Variants in BSN observed in about 807,000 individuals in gnomAD.
The protein encoded by BSN is protein bassoon.
Under a neutral mutation model 264.8 loss-of-function variants are expected in BSN, and 57 were observed. That is an observed-to-expected ratio of 0.22 (90% CI 0.17 to 0.27). The LOEUF is 0.27. Among genes scored for constraint, BSN ranks in the 10% least tolerant of loss-of-function variants. BSN has a pLI of 1.00. For missense variants in BSN, 4,615 were observed against 5,232.5 expected, an observed-to-expected ratio of 0.88 and a Z score of 3.64; for synonymous variants, 2,059 against 2,137.3, an observed-to-expected ratio of 0.96 and a Z score of 1.01.
chr3:49,642,533 G>T lies in BSN; in HGVS notation c.899G>T (p.Gly300Val), dbSNP rs1416582688. The change falls in exon 3 of 12, where the codon GGG (glycine) becomes GTG (valine). Residue 300 changes from glycine (G) to valine (V), a missense_variant. Gly to Val is a moderately radical substitution (Grantham distance 109, BLOSUM62 -3). This residue lies in a region of BSN where 1,197 missense variants were observed against 1,348.0 expected (regional missense o/e 0.89). Coordinates refer to ENST00000296452, the MANE Select transcript of BSN (RefSeq NM_003458.4). The surrounding 1 kb of genome is among the most constrained non-coding windows in gnomAD (Gnocchi z 7.0). ...PAQAAAPPEV[G>V]RVSPQPPQPT... ...CAAGCAGCTGCCCCTCCAGAGGTGGGGAGGGTGTCTCCTCAGCCCCCTCAA... is the reference window on the plus strand; with the variant it reads ...CAAGCAGCTGCCCCTCCAGAGGTGGTGAGGGTGTCTCCTCAGCCCCCTCAA... The T allele has an allele frequency of 5.0e-6, 8 of 1,588,014 alleles. No individual in the cohort carries two copies. Among genetic ancestry groups the T allele is most frequent in the Non-Finnish European group, 6.9e-6 (8 of 1,164,842 alleles).
At chr3:49,615,663 G>A (rs1327217950) in intron 1 of BSN, among the ~76,000 whole-genome samples, 1 of 152,198 alleles carries the variant, frequency 6.6e-6, no homozygotes, top group Non-Finnish European at 1.5e-5. Flanking sequence ...TTCTGTGGCT[G>A]TGGCTGCGTT....
intron 5 of BSN, among the ~76,000 whole-genome samples, chr3:49,659,599 G>A (rs1190668383): frequency 6.6e-6 from 1 of 152,142 alleles, no homozygotes; most frequent in Non-Finnish European, 1.5e-5. Context: ...GGGGCATTCT[G>A]GGAAGGCTAG....
intron 1 of BSN, among the ~76,000 whole-genome samples, chr3:49,581,581 T>C (rs1046705991): frequency 7.9e-5 from 12 of 151,928 alleles, no homozygotes; most frequent in Non-Finnish European, 1.3e-4. Flanking sequence ...ATCCCAGCAC[T>C]TGGGGAAGCC....
intron 2 of BSN, among the ~76,000 whole-genome samples, chr3:49,629,501 A>G (rs1340440474): frequency 6.6e-6 from 1 of 152,242 alleles, no homozygotes; most frequent in Non-Finnish European, 1.5e-5. Context: ...GGGCAGGCAT[A>G]GCCTGCTTCT....
Position 49,651,075 on chromosome 3 carries a change from C to T in BSN, c.1982C>T (p.Ala661Val), listed in dbSNP as rs780553750. Residue 661 changes from alanine (A) to valine (V), a missense_variant, in exon 4 of 12, where the codon GCG becomes GTG. By Grantham distance (64) the Ala-to-Val change is moderately conservative. Coordinates refer to ENST00000296452, the MANE Select transcript of BSN (RefSeq NM_003458.4). This position sits in a 1 kb window ranked among gnomAD's most constrained non-coding sequence, Gnocchi z 5.4. ...CCAGAAGCCCCCAAGGGTGGGGAGGCGGAGGTCAGTCCCATTCACTTCCCA... is the reference window on the plus strand; with the variant it reads ...CCAGAAGCCCCCAAGGGTGGGGAGGTGGAGGTCAGTCCCATTCACTTCCCA... The part of the protein sequence containing the change: ...AVPEAPKGGE[A>V]EDLVGKPYSQ... The T allele has an allele frequency of 2.8e-5, 45 of 1,609,208 alleles. 1 individual carries two copies. Among genetic ancestry groups the T allele is most frequent in the African/African-American group, 8.1e-5 (6 of 74,450 alleles).
Position 49,661,939 on chromosome 3 carries a change from T to C in BSN, c.10094T>C (p.Met3365Thr), listed in dbSNP as rs1237012744. 3.7e-6 allele frequency: 6 copies of C among 1,613,936 alleles called. No individual in the cohort carries two copies. Among genetic ancestry groups the C allele is most frequent in the Admixed American group, 3.3e-5 (2 of 60,022 alleles). ...SKRSKHRKQG[M>T]EQKISKFSPI... ...CGCAGCAAGCACCGGAAGCAGGGCA[T>C]GGAGCAAAAGATATCCAAGTTCTCG... The change falls in exon 6 of 12, where the codon ATG (methionine) becomes ACG (threonine). Residue 3365 changes from methionine (M) to threonine (T), a missense_variant. Physicochemically the swap from Met to Thr is moderately conservative, Grantham distance 81. Coordinates refer to ENST00000296452, the MANE Select transcript of BSN (RefSeq NM_003458.4).
chr3:49,561,830 C>T (rs2051713896), intron 1 of BSN, among the ~76,000 whole-genome samples: 2 of 151,502 alleles, frequency 1.3e-5, no homozygotes, highest in African/African-American at 2.4e-5. Flanking sequence ...TTTTTTGAGA[C>T]AAAGTCTCAC....
At chr3:49,664,018 G>A (rs1368736656) in intron 8 of BSN, 132 bp downstream of exon 8, 2 of 874,342 alleles carry the variant, frequency 2.3e-6, no homozygotes, top group Non-Finnish European at 3.5e-6. Flanking sequence ...CCCAGGGGCT[G>A]TAGACCTCCC....
chr3:49,625,517 A>AGGGATGTGTCCTGGTTCC lies in BSN; in HGVS notation c.633+135_633+152dup. The AGGGATGTGTCCTGGTTCC allele has an allele frequency of 1.1e-6, 1 of 911,232 alleles. No individual in the cohort carries two copies. Among genetic ancestry groups the AGGGATGTGTCCTGGTTCC allele is most frequent in the Non-Finnish European group, 1.5e-6 (1 of 661,844 alleles). 56.4% of individuals were successfully genotyped at this position (911,232 alleles called of 1,614,324 possible). On this transcript the variant is annotated intron_variant, in intron 2 of 11. Coordinates refer to ENST00000296452, the MANE Select transcript of BSN (RefSeq NM_003458.4). The surrounding 1 kb of genome is among the most constrained non-coding windows in gnomAD (Gnocchi z 4.4). ...ACCACCAGCATTTGTGTCCTCCTGC[A>AGGGATGTGTCCTGGTTCC]GGGATGTGTCCTGGTTCCAGGATGT...
chr3:49,657,490 A>T lies in BSN; in HGVS notation c.7934A>T (p.His2645Leu). ...TCAGACTCAGGCTCTGACAGCAAGC[A>T]CGATGCCACTGCCTCATCATCCAGT... ...RHSDSGSDSK[H>L]DATASSSSAA... The change falls in exon 5 of 12, where the codon CAC becomes CTC. Residue 2645 changes from histidine to leucine, a missense_variant. By Grantham distance (99) the His-to-Leu change is moderately conservative. Transcript: ENST00000296452. The T allele has an allele frequency of 3.1e-6, 5 of 1,613,182 alleles. No individual in the cohort carries two copies. Among genetic ancestry groups the T allele is most frequent in the Non-Finnish European group, 4.2e-6 (5 of 1,179,994 alleles).
intron 1 of BSN, among the ~76,000 whole-genome samples, chr3:49,599,666 A>C (rs73834006): frequency 0.024 from 3,688 of 152,242 alleles, 159 homozygotes; most frequent in African/African-American, 0.085. Context: ...ATTTCCAGAG[A>C]CTTTAAATGA....
intron 1 of BSN, among the ~76,000 whole-genome samples, chr3:49,611,530 G>A (rs1295350893): frequency 6.6e-6 from 1 of 152,230 alleles, no homozygotes. Flanking sequence ...CCCAGAAGAC[G>A]AGGTTGGGAA....
At chr3:49,596,834 C>CT (rs963601865) in intron 1 of BSN, among the ~76,000 whole-genome samples, 154 of 150,502 alleles carry the variant, frequency 1.0e-3, no homozygotes, top group African/African-American at 3.4e-3. Context: ...ATTGCTGAAA[C>CT]TTTTTTTTTT....
At chr3:49,561,068 C>T (rs867385062) in intron 1 of BSN, among the ~76,000 whole-genome samples, 1 of 152,182 alleles carries the variant, frequency 6.6e-6, no homozygotes, top group Non-Finnish European at 1.5e-5. Context: ...TAGCAGAGAC[C>T]TGGGGCCCCT....
Position 49,554,498 on chromosome 3 carries a change from T to G in BSN, c.-105T>G, listed in dbSNP as rs539572935. 1 of 285,078 alleles carries G rather than the reference T, an allele frequency of 3.5e-6. No individual in the cohort carries two copies. Among genetic ancestry groups the G allele is most frequent in the African/African-American group, 2.3e-5 (1 of 43,514 alleles). The allele number at this position is 285,078 out of a possible 1,614,324, so 17.7% of individuals were successfully genotyped here. ...CGGCAGGCGGCGGCGCGAGCCGAGCTGGGAGATGGCGGCGGCAGCGGCGGC... is the reference window on the plus strand; with the variant it reads ...CGGCAGGCGGCGGCGCGAGCCGAGCGGGGAGATGGCGGCGGCAGCGGCGGC... On this transcript the variant is annotated 5_prime_UTR_variant, in exon 1 of 12. Transcript: ENST00000296452.
At chr3:49,608,957 A>G (rs1481480091) in intron 1 of BSN, among the ~76,000 whole-genome samples, 1 of 152,150 alleles carries the variant, frequency 6.6e-6, no homozygotes, top group Non-Finnish European at 1.5e-5. Context: ...GCCCACAAGC[A>G]CACAAGGAGC....
At chr3:49,649,707 T>A (rs1313116797) in intron 3 of BSN, among the ~76,000 whole-genome samples, 1 of 152,216 alleles carries the variant, frequency 6.6e-6, no homozygotes, top group Non-Finnish European at 1.5e-5. Flanking sequence ...GTAAATGACC[T>A]GTTTGGGGTT....
In BSN at chr3:49,613,275, T is replaced by TTATA. The variant is rs140461944; in HGVS notation, c.225-11687_225-11684dup. On this transcript the variant is annotated intron_variant, in intron 1 of 11. Transcript: ENST00000296452. ...TCTATTGCATCCAGAGGGGAAAAGT[T>TTATA]TATATATATATATATACACACACAG... 2.5e-3 allele frequency among the ~76,000 whole-genome samples: 307 copies of TTATA among 123,438 alleles called. 4 individuals carry two copies. The highest frequency in any genetic ancestry group is 9.3e-3 in the South Asian group (35 of 3,770). 81.0% of individuals were successfully genotyped at this position (123,438 alleles called of 152,430 possible).
rs1467313831 is a variant in BSN at position 49,653,769 on chromosome 3, G to C, written c.4213G>C (p.Gly1405Arg). The change falls in exon 5 of 12, where the codon GGC (glycine) becomes CGC (arginine). Residue 1405 changes from glycine (G) to arginine (R), a missense_variant. This residue lies in a region of BSN where 3,415 missense variants were observed against 3,866.4 expected (regional missense o/e 0.88). Coordinates refer to ENST00000296452, the MANE Select transcript of BSN (RefSeq NM_003458.4). The surrounding 1 kb of genome is among the most constrained non-coding windows in gnomAD (Gnocchi z 6.3). ...ATATATGACTCCAGCCTCCCCAGCA[G>C]GCTCCGAGCGTAGTCCTTCACCATC... ...RGYMTPASPA[G>R]SERSPSPSST... 1 of 1,613,960 alleles carries C rather than the reference G, an allele frequency of 6.2e-7. No individual in the cohort carries two copies. Among genetic ancestry groups the C allele is most frequent in the African/African-American group, 1.3e-5 (1 of 74,862 alleles).
Sources: allele counts gnomAD v4.1 joint callset (sites outside exome capture counted in the v4.1 genomes callset), GRCh38; gene constraint gnomAD v4.1.1; regional missense constraint gnomAD v4.1.1; non-coding constraint Gnocchi (gnomAD v3.1); transcripts MANE v1.5; gene names NCBI Gene and HGNC (gene_info 2026-07-23, HGNC 2026-07-21).